The following AGBL4 variants were observed in gnomAD, a reference collection of about 807,000 sequenced individuals.
The protein encoded by AGBL4 is cytosolic carboxypeptidase 6.
AGBL4 carries 58 observed loss-of-function variants against 66.4 expected under a neutral mutation model. That is an observed-to-expected ratio of 0.87 (90% confidence interval 0.71 to 1.09). The LOEUF is 1.09. AGBL4 is among the 50% of genes least tolerant of loss of function. The probability of loss-of-function intolerance (pLI) is 0.00; values close to 1 mark genes in which losing one functional copy is unlikely to be tolerated. For missense variants in AGBL4, 579 were observed against 631.0 expected (o/e 0.92, Z 0.88); for synonymous variants, 234 against 222.9 (o/e 1.05, Z -0.44).
chr1:49,608,689 C>A lies in AGBL4; in HGVS notation c.282+88624G>T, dbSNP rs144867231. On this transcript the variant is annotated intron_variant, in intron 3 of 13. Coordinates refer to ENST00000371839, the MANE Select transcript of AGBL4 (RefSeq NM_032785.4). ...TGACATCTGTTTTGCAATGGCCTGG[C>A]CAAACTCCAAATACAGTTATTATCC... Among the ~76,000 whole-genome samples the A allele has an allele frequency of 3.5e-4, 53 of 152,226 alleles. 1 individual carries two copies. In the East Asian group the frequency reaches 0.01, roughly 29 times the overall value.
intron 5 of AGBL4, among the ~76,000 whole-genome samples, chr1:48,993,935 A>G (rs1419063298): frequency 6.6e-6 from 1 of 152,224 alleles, no homozygotes; most frequent in East Asian, 1.9e-4. Flanking sequence ...AGTGATATGA[A>G]GTAAAAACCA....
At chr1:48,925,786 A>G (rs1557467657) in intron 5 of AGBL4, among the ~76,000 whole-genome samples, 1 of 152,236 alleles carries the variant, frequency 6.6e-6, no homozygotes, top group East Asian at 1.9e-4. Context: ...ATAGATTAAT[A>G]TATGCATATG....
intron 3 of AGBL4, among the ~76,000 whole-genome samples, chr1:49,322,047 C>G (rs994217524): frequency 6.6e-6 from 1 of 152,122 alleles, no homozygotes; most frequent in Admixed American, 6.5e-5. Context: ...CCAGGTTAAT[C>G]CTGGTTATTT....
intron 4 of AGBL4, among the ~76,000 whole-genome samples, chr1:49,200,892 G>T (rs954089563): frequency 6.6e-6 from 1 of 152,212 alleles, no homozygotes; most frequent in Non-Finnish European, 1.5e-5. Flanking sequence ...CTGGAGGTTG[G>T]GGGGTGGGGT....
chr1:49,028,004 A>G (rs973551883), intron 5 of AGBL4, among the ~76,000 whole-genome samples: 1 of 152,152 alleles, frequency 6.6e-6, no homozygotes, highest in African/African-American at 2.4e-5. Flanking sequence ...GGAGAATGGC[A>G]AGCAATAAGA....
chr1:48,968,773 A>G (rs1343799972), intron 5 of AGBL4, among the ~76,000 whole-genome samples: 1 of 152,048 alleles, frequency 6.6e-6, no homozygotes, highest in African/African-American at 2.4e-5. Context: ...AGTCAATTGC[A>G]TTGTTTTTCA....
At chr1:49,841,453 C>G (rs1008972872) in intron 2 of AGBL4, among the ~76,000 whole-genome samples, 1 of 152,044 alleles carries the variant, frequency 6.6e-6, no homozygotes, top group Non-Finnish European at 1.5e-5. Flanking sequence ...TTATTTCAAC[C>G]AAATTACCAA....
At chr1:49,250,879 G>A (rs532382328) in intron 3 of AGBL4, among the ~76,000 whole-genome samples, 2 of 152,300 alleles carry the variant, frequency 1.3e-5, no homozygotes, top group Admixed American at 6.5e-5. Flanking sequence ...GCTTTGAGAA[G>A]TGGTAGAAGT....
intron 7 of AGBL4, among the ~76,000 whole-genome samples, chr1:48,656,685 C>T (rs114707776): frequency 0.032 from 4,907 of 152,278 alleles, 98 homozygotes; most frequent in Non-Finnish European, 0.045. Flanking sequence ...AACATGGATG[C>T]AGCTGGAGGC....
intron 9 of AGBL4, among the ~76,000 whole-genome samples, chr1:48,611,325 A>C (rs554440949): frequency 1.6e-4 from 24 of 152,308 alleles, no homozygotes; most frequent in Middle Eastern, 3.4e-3. Context: ...GAGTAAGTGG[A>C]GGGAGAAAGA....
At chr1:49,426,195 G>A (rs1645654706) in intron 3 of AGBL4, among the ~76,000 whole-genome samples, 2 of 152,204 alleles carry the variant, frequency 1.3e-5, no homozygotes, top group South Asian at 2.1e-4. Context: ...ATAATACAGC[G>A]GGAGAGGGGT....
chr1:49,262,561 A>C (rs1653302368), intron 3 of AGBL4, among the ~76,000 whole-genome samples: 1 of 152,070 alleles, frequency 6.6e-6, no homozygotes, highest in South Asian at 2.1e-4. Flanking sequence ...AAAAATGCTC[A>C]TCATCACTGG....
intron 5 of AGBL4, among the ~76,000 whole-genome samples, chr1:49,016,719 C>T (rs984560954): frequency 7.2e-5 from 11 of 152,184 alleles, no homozygotes; most frequent in Non-Finnish European, 7.3e-5. Context: ...AGGTCGTCAG[C>T]GAACCCTGAC....
chr1:49,699,332 A>G (rs1404724724), intron 2 of AGBL4, among the ~76,000 whole-genome samples: 1 of 151,994 alleles, frequency 6.6e-6, no homozygotes. Flanking sequence ...GTGTGTGTGT[A>G]CATAAAAAAT....
chr1:48,622,211 C>T (rs963273710), intron 9 of AGBL4, among the ~76,000 whole-genome samples: 3 of 152,142 alleles, frequency 2.0e-5, no homozygotes, highest in South Asian at 2.1e-4. Context: ...GCTGCTTCCC[C>T]TGCTGTAATG....
intron 2 of AGBL4, among the ~76,000 whole-genome samples, chr1:49,724,171 A>G (rs1000048110): frequency 3.3e-5 from 5 of 152,180 alleles, no homozygotes; most frequent in African/African-American, 1.2e-4. Flanking sequence ...CTTCAAGAAC[A>G]AAATCCCACT....
intron 1 of AGBL4, among the ~76,000 whole-genome samples, chr1:49,916,865 A>C (rs1415482499): frequency 6.6e-6 from 1 of 152,244 alleles, no homozygotes; most frequent in African/African-American, 2.4e-5. Context: ...AGGGAAGCCC[A>C]TCAGACTAAC....
At chr1:49,756,969 G>A (rs1651930899) in intron 2 of AGBL4, among the ~76,000 whole-genome samples, 1 of 152,160 alleles carries the variant, frequency 6.6e-6, no homozygotes, top group Admixed American at 6.6e-5. Flanking sequence ...AGAATGATAT[G>A]GATTGGCTGT....
intron 1 of AGBL4, among the ~76,000 whole-genome samples, chr1:49,959,877 G>C (rs758744954): frequency 1.3e-5 from 2 of 152,028 alleles, no homozygotes; most frequent in Non-Finnish European, 2.9e-5. Context: ...CATGTCCTTT[G>C]CAGCAACATG....
Sources: allele counts gnomAD v4.1 joint callset (sites outside exome capture counted in the v4.1 genomes callset), GRCh38; gene constraint gnomAD v4.1.1; transcripts MANE v1.5; gene names NCBI Gene and HGNC (gene_info 2026-07-23, HGNC 2026-07-21).